MGLL: variants seen among roughly 807,000 people sequenced by gnomAD.
The protein encoded by MGLL is monoglyceride lipase.
In MGLL, 7 loss-of-function variants were observed where a neutral mutation model predicts 29.1. The observed-to-expected ratio is 0.24, with a 90% CI of 0.14 to 0.45. The LOEUF is 0.45. Ranked by LOEUF, MGLL falls within the 20% of genes least tolerant of loss-of-function variation. The probability of loss-of-function intolerance (pLI) is 0.99; values close to 1 mark genes in which losing one functional copy is unlikely to be tolerated. For synonymous variants in MGLL, 148 were observed against 168.3 expected, an observed-to-expected ratio of 0.88 and a Z score of 0.93; for missense variants, 356 against 413.6, an observed-to-expected ratio of 0.86 and a Z score of 1.21.
At chr3:127,802,948 GC>G (rs2077502223) in intron 2 of MGLL, among the ~76,000 whole-genome samples, 1 of 152,022 alleles carries the variant, frequency 6.6e-6, no homozygotes, top group African/African-American at 2.4e-5. Flanking sequence ...AGAGCTTGGA[GC>G]ACTGTCTTTC....
At chr3:127,716,041 C>A in intron 5 of MGLL, 1 of 349,180 alleles carries the variant, frequency 2.9e-6, no homozygotes, top group Non-Finnish European at 5.7e-6. Flanking sequence ...CTGGTGAAAC[C>A]AGGTTTGTGT....
intron 2 of MGLL, chr3:127,784,099 G>A (rs1328961307): frequency 6.6e-6 from 1 of 152,218 alleles, no homozygotes; most frequent in East Asian, 1.9e-4. Flanking sequence ...ATGGCACAAG[G>A]CATTGCCATC....
intron 3 of MGLL, among the ~76,000 whole-genome samples, chr3:127,743,742 C>T (rs1236065192): frequency 6.6e-6 from 1 of 152,088 alleles, no homozygotes. Context: ...CGTATGACCA[C>T]AGGGGCTCTG....
intron 2 of MGLL, among the ~76,000 whole-genome samples, chr3:127,784,618 C>T (rs1385396130): frequency 6.6e-6 from 1 of 152,122 alleles, no homozygotes; most frequent in Non-Finnish European, 1.5e-5. Flanking sequence ...GTAGGCTTAG[C>T]CTTCCACAGC....
chr3:127,792,706 G>GA (rs61357582), intron 2 of MGLL, among the ~76,000 whole-genome samples: 2,454 of 140,980 alleles, frequency 0.017, 63 homozygotes, highest in South Asian at 0.11. Context: ...TGTCTCAAAA[G>GA]AAAAAAAAAA....
intron 6 of MGLL, among the ~76,000 whole-genome samples, chr3:127,707,244 C>G: frequency 6.6e-6 from 1 of 152,258 alleles, no homozygotes; most frequent in East Asian, 1.9e-4. Context: ...ATGGCCTCTG[C>G]CTCCCGCCTC....
intron 2 of MGLL, among the ~76,000 whole-genome samples, chr3:127,787,102 C>T (rs540003703): frequency 9.2e-5 from 14 of 152,358 alleles, no homozygotes; most frequent in African/African-American, 3.1e-4. Flanking sequence ...CATGACCATC[C>T]TCTCTGCCTC....
chr3:127,699,420 C>T (rs2075435439), intron 6 of MGLL, among the ~76,000 whole-genome samples: 1 of 152,130 alleles, frequency 6.6e-6, no homozygotes, highest in African/African-American at 2.4e-5. Flanking sequence ...TGAAAAATAA[C>T]TAATGCGTGG....
At chr3:127,727,730 CA>C (rs2076074054) in intron 3 of MGLL, among the ~76,000 whole-genome samples, 1 of 93,914 alleles carries the variant, frequency 1.1e-5, no homozygotes, top group Non-Finnish European at 2.5e-5. Context: ...AAAAAAAAAA[CA>C]GAGCAAGAAA....
chr3:127,694,286 A>AT (rs1553752298), intron 7 of MGLL, among the ~76,000 whole-genome samples: 3,429 of 97,208 alleles, frequency 0.035, 140 homozygotes, highest in East Asian at 0.14. Context: ...AAAAAAAAAA[A>AT]ATATATATAT....
intron 5 of MGLL, 101 bp from the exon 6 acceptor site, chr3:127,710,766 A>G (rs1261488379): frequency 3.7e-6 from 4 of 1,076,200 alleles, no homozygotes; most frequent in South Asian, 2.7e-5. Context: ...GTGATGCCCA[A>G]ACTGAACATC....
chr3:127,762,241 C>A (rs2076778008), intron 3 of MGLL, among the ~76,000 whole-genome samples: 1 of 152,134 alleles, frequency 6.6e-6, no homozygotes, highest in African/African-American at 2.4e-5. Flanking sequence ...GGGCTCTGCT[C>A]CTGAGCTCTC....
chr3:127,767,316 C>G (rs1000107902), intron 3 of MGLL, among the ~76,000 whole-genome samples: 7 of 152,190 alleles, frequency 4.6e-5, no homozygotes, highest in African/African-American at 1.7e-4. Flanking sequence ...CCCAGGGTCA[C>G]ATAAGCAGTC....
Position 127,722,435 on chromosome 3 carries a change from A to T in MGLL, c.394T>A (p.Ser132Thr). 6.2e-7 allele frequency: 1 copy of T among 1,614,198 alleles called. No individual in the cohort carries two copies. The change falls in exon 4 of 8, where the codon TCC (serine) becomes ACC (threonine). Residue 132 changes from serine to threonine, a missense_variant. Coordinates refer to ENST00000265052, the MANE Select transcript of MGLL (RefSeq NM_007283.7). ...PGLPVFLLGH[S>T]MGGAIAILTA... ...GTCTTCTGTGGTCTGCTTACCATGGAGTGGCCCAGAAGGAAGACAGGAAGC... is the reference window on the plus strand; with the variant it reads ...GTCTTCTGTGGTCTGCTTACCATGGTGTGGCCCAGAAGGAAGACAGGAAGC...
intron 5 of MGLL, among the ~76,000 whole-genome samples, 157 bp downstream of exon 5, chr3:127,720,896 G>A (rs1007942726): frequency 2.6e-5 from 4 of 152,166 alleles, no homozygotes; most frequent in Non-Finnish European, 4.4e-5. Flanking sequence ...ACAGAACCCC[G>A]GTGGCAACAG....
intron 2 of MGLL, among the ~76,000 whole-genome samples, chr3:127,793,276 G>C (rs899724210): frequency 7.9e-5 from 12 of 152,228 alleles, no homozygotes; most frequent in African/African-American, 2.9e-4. Context: ...AGGCAGGGAA[G>C]GGCCTGGCTT....
chr3:127,821,999 C>G (rs1316178905), intron 1 of MGLL, 161 bp from the exon 2 acceptor site: 4 of 781,930 alleles, frequency 5.1e-6, no homozygotes, highest in Admixed American at 6.1e-5. Context: ...TCTTGCAAAC[C>G]TCTCCAAGAC....
intron 2 of MGLL, among the ~76,000 whole-genome samples, chr3:127,809,275 C>T (rs1216642544): frequency 6.6e-6 from 1 of 152,108 alleles, no homozygotes; most frequent in Non-Finnish European, 1.5e-5. Flanking sequence ...AGTCCTATAG[C>T]CAGCTCTAGC....
chr3:127,740,304 G>A (rs950349344), intron 3 of MGLL, among the ~76,000 whole-genome samples: 8 of 152,128 alleles, frequency 5.3e-5, no homozygotes, highest in African/African-American at 1.9e-4. Context: ...CAGCTGAAAC[G>A]CGGTCCTTGT....
Sources: allele counts gnomAD v4.1 joint callset (sites outside exome capture counted in the v4.1 genomes callset), GRCh38; gene constraint gnomAD v4.1.1; transcripts MANE v1.5; gene names NCBI Gene and HGNC (gene_info 2026-07-23, HGNC 2026-07-21).